CACNA1D: variants seen among roughly 807,000 people sequenced by gnomAD.
The protein encoded by CACNA1D is calcium voltage-gated channel subunit alpha1 D.
Under a neutral mutation model 257.1 loss-of-function variants are expected in CACNA1D, and 55 were observed. That is an observed-to-expected ratio of 0.21 (90% CI 0.17 to 0.27). The LOEUF is 0.27. CACNA1D is among the 10% of genes least tolerant of loss of function. CACNA1D has a pLI of 1.00. For synonymous variants in CACNA1D, 980 were observed against 1,014.9 expected, an observed-to-expected ratio of 0.97 and a Z score of 0.65; for missense variants, 1,876 against 2,784.0, an observed-to-expected ratio of 0.67 and a Z score of 7.34.
intron 3 of CACNA1D, among the ~76,000 whole-genome samples, chr3:53,572,363 T>TTTAC (rs2092960392): frequency 2.9e-5 from 1 of 34,442 alleles, no homozygotes; most frequent in African/African-American, 6.9e-5. Context: ...CTCTGGTTTG[T>TTTAC]TTGTTTGTTT....
intron 40 of CACNA1D, among the ~76,000 whole-genome samples, chr3:53,795,599 T>A (rs1241192729): frequency 1.3e-5 from 2 of 152,232 alleles, no homozygotes; most frequent in Non-Finnish European, 2.9e-5. Flanking sequence ...AAGCTCACAA[T>A]GACTGGTATA....
intron 3 of CACNA1D, among the ~76,000 whole-genome samples, chr3:53,626,204 C>T (rs984018315): frequency 4.6e-5 from 7 of 152,152 alleles, no homozygotes; most frequent in Non-Finnish European, 7.4e-5. Context: ...TTTGCCGCCC[C>T]GGGCACATCC....
At chr3:53,805,939 T>TCCTCCCTCATCTCCCCTCCTCCTC (rs2095562028) in intron 45 of CACNA1D, among the ~76,000 whole-genome samples, 1 of 19,334 alleles carries the variant, frequency 5.2e-5, no homozygotes, top group Non-Finnish European at 8.1e-5. Flanking sequence ...TCCCTCCTCC[T>TCCTCCCTCATCTCCCCTCCTCCTC]CCTCCCTCAT....
At chr3:53,516,102 T>G (rs2091322289) in intron 3 of CACNA1D, among the ~76,000 whole-genome samples, 1 of 152,248 alleles carries the variant, frequency 6.6e-6, no homozygotes, top group Non-Finnish European at 1.5e-5. Context: ...CATCTCACTT[T>G]TCATGTGGGA....
chr3:53,812,424 A>ATAT lies in CACNA1D; in HGVS notation c.*1020_*1022dup, dbSNP rs1156694997. The ATAT allele has an allele frequency of 6.6e-6, 1 of 152,248 alleles. No individual in the cohort carries two copies. Among genetic ancestry groups the ATAT allele is most frequent in the East Asian group, 1.9e-4 (1 of 5,202 alleles). 9.4% of individuals were successfully genotyped at this position (152,248 alleles called of 1,614,324 possible). On this transcript the variant is annotated 3_prime_UTR_variant, in exon 48 of 48. Coordinates refer to ENST00000350061, the MANE Select transcript of CACNA1D (RefSeq NM_001128840.3). ...TTGACACTACAGAAATTTTTCTAAA[A>ATAT]TATTTTGAGTCACTATAAACCTATC...
chr3:53,535,159 A>G (rs987486910), intron 3 of CACNA1D, among the ~76,000 whole-genome samples: 1 of 152,158 alleles, frequency 6.6e-6, no homozygotes, highest in African/African-American at 2.4e-5. Context: ...CGTCTTTATT[A>G]TCCTTGCTGC....
Position 53,495,398 on chromosome 3 carries a change from G to A in CACNA1D, c.67+165G>A, listed in dbSNP as rs1409559317. On this transcript the variant is annotated intron_variant, in intron 1 of 47. Transcript: ENST00000350061. This position sits in a 1 kb window ranked among gnomAD's most constrained non-coding sequence, Gnocchi z 5.1. ...AGGGGACATGCGTGACAGCCACTCC[G>A]CGCTCCCCTCCAGGCCCTGAATGTC... is the stretch of plus-strand genomic sequence containing the variant. Among the ~76,000 whole-genome samples the A allele has an allele frequency of 6.6e-6, 1 of 152,178 alleles. No individual in the cohort carries two copies. Among genetic ancestry groups the A allele is most frequent in the Non-Finnish European group, 1.5e-5 (1 of 68,024 alleles).
At chr3:53,691,877 TATA>T (rs1559523094) in intron 8 of CACNA1D, among the ~76,000 whole-genome samples, 10 of 99,506 alleles carry the variant, frequency 1.0e-4, no homozygotes, top group Admixed American at 4.7e-4. Context: ...ATATATTACA[TATA>T]ATATATATTA....
chr3:53,634,602 C>T (rs1281122085), intron 3 of CACNA1D, among the ~76,000 whole-genome samples: 1 of 152,172 alleles, frequency 6.6e-6, no homozygotes, highest in African/African-American at 2.4e-5. Flanking sequence ...TCCTAGAATC[C>T]TCCAGCCTTT....
chr3:53,805,317 A>G (rs1316743344), intron 45 of CACNA1D, 171 bp downstream of exon 45: 7 of 651,076 alleles, frequency 1.1e-5, no homozygotes, highest in Non-Finnish European at 1.9e-5. Context: ...TTTCTCATCC[A>G]TATCTCACGT....
chr3:53,749,990 A>G (rs918040570), intron 27 of CACNA1D, among the ~76,000 whole-genome samples: 5 of 152,212 alleles, frequency 3.3e-5, no homozygotes. Flanking sequence ...AGTAACCAAA[A>G]TGTCTCCAGA....
chr3:53,620,481 G>A (rs552343977), intron 3 of CACNA1D, among the ~76,000 whole-genome samples: 36 of 152,272 alleles, frequency 2.4e-4, no homozygotes, highest in African/African-American at 8.7e-4. Flanking sequence ...TTGTAGAGAT[G>A]GGGTCTCACA....
chr3:53,547,659 T>G (rs780600979), intron 3 of CACNA1D, among the ~76,000 whole-genome samples: 1 of 152,164 alleles, frequency 6.6e-6, no homozygotes, highest in Non-Finnish European at 1.5e-5. Context: ...GCAGGGAAGT[T>G]TCTCCGAGGA....
chr3:53,559,399 G>T (rs547567533), intron 3 of CACNA1D, among the ~76,000 whole-genome samples: 136 of 152,176 alleles, frequency 8.9e-4, no homozygotes, highest in South Asian at 2.9e-3. Context: ...AGTAATTTTG[G>T]AGTATGTTCT....
At chr3:53,769,673 G>A (rs751023837) in intron 30 of CACNA1D, among the ~76,000 whole-genome samples, 7 of 152,198 alleles carry the variant, frequency 4.6e-5, no homozygotes, top group Non-Finnish European at 8.8e-5. Context: ...CGCGAGAAGC[G>A]GGGGCACACT....
At chr3:53,601,874 C>T (rs1430853215) in intron 3 of CACNA1D, among the ~76,000 whole-genome samples, 1 of 152,082 alleles carries the variant, frequency 6.6e-6, no homozygotes, top group Non-Finnish European at 1.5e-5. Context: ...CCATGTCTGG[C>T]TAGTTTTTGT....
At chr3:53,736,448 A>G (rs935773518) in intron 20 of CACNA1D, among the ~76,000 whole-genome samples, 16 of 152,230 alleles carry the variant, frequency 1.1e-4, no homozygotes, top group Non-Finnish European at 2.1e-4. Flanking sequence ...TCTCCAAAGA[A>G]AGTGCTGACC....
At chr3:53,749,494 T>C (rs1461709549) in intron 27 of CACNA1D, 25 bp downstream of exon 27, 2 of 1,553,936 alleles carry the variant, frequency 1.3e-6, no homozygotes, top group East Asian at 2.2e-5. Context: ...CTGTTTTGGC[T>C]TCTGTCCCTT....
chr3:53,572,039 G>A (rs549936105), intron 3 of CACNA1D, among the ~76,000 whole-genome samples: 1 of 152,298 alleles, frequency 6.6e-6, no homozygotes, highest in South Asian at 2.1e-4. Flanking sequence ...TTTGTTTGAG[G>A]TTACCAAACT....
Sources: allele counts gnomAD v4.1 joint callset (sites outside exome capture counted in the v4.1 genomes callset), GRCh38; gene constraint gnomAD v4.1.1; non-coding constraint Gnocchi (gnomAD v3.1); transcripts MANE v1.5; gene names NCBI Gene and HGNC (gene_info 2026-07-23, HGNC 2026-07-21).